UBAC2: variants seen among roughly 807,000 people sequenced by gnomAD.
UBAC2 encodes ubiquitin-associated domain-containing protein 2.
In UBAC2, 26 loss-of-function variants were observed where a neutral mutation model predicts 44.0. That is an observed-to-expected ratio of 0.59 (90% confidence interval 0.43 to 0.82). UBAC2 has a LOEUF of 0.82. Ranked by LOEUF, UBAC2 falls within the 40% of genes least tolerant of loss-of-function variation. The pLI is 0.00. For synonymous variants in UBAC2, 155 were observed against 154.3 expected (o/e 1.00, Z -0.04); for missense variants, 329 against 419.4 (o/e 0.78, Z 1.88).
intron 6 of UBAC2, among the ~76,000 whole-genome samples, chr13:99,319,001 T>C (rs573113368): frequency 2.0e-5 from 3 of 150,506 alleles, no homozygotes; most frequent in African/African-American, 7.3e-5. Flanking sequence ...TAAGGAGAGA[T>C]AGTCTGCTCA....
At chr13:99,227,949 A>G (rs761227740) in intron 1 of UBAC2, among the ~76,000 whole-genome samples, 6 of 152,230 alleles carry the variant, frequency 3.9e-5, no homozygotes, top group Non-Finnish European at 8.8e-5. Context: ...CAGATATACT[A>G]GAGAAAATCA....
chr13:99,258,327 G>T (rs1459552662), intron 4 of UBAC2: 1 of 152,236 alleles, frequency 6.6e-6, no homozygotes, highest in Non-Finnish European at 1.5e-5. Flanking sequence ...GTAGTTTCCA[G>T]TGTAACGCTT....
At chr13:99,285,504 T>C (rs2044007625) in intron 4 of UBAC2, among the ~76,000 whole-genome samples, 1 of 152,110 alleles carries the variant, frequency 6.6e-6, no homozygotes, top group Non-Finnish European at 1.5e-5. Context: ...GGGATCCTCC[T>C]GCCTTAGCCT....
chr13:99,291,146 A>G (rs1331940643), intron 4 of UBAC2, among the ~76,000 whole-genome samples: 3 of 152,202 alleles, frequency 2.0e-5, no homozygotes, highest in African/African-American at 7.2e-5. Context: ...CATCAGCAAG[A>G]TGGGGATGAT....
intron 4 of UBAC2, among the ~76,000 whole-genome samples, chr13:99,249,924 G>C (rs2043437647): frequency 6.6e-6 from 1 of 152,020 alleles, no homozygotes; most frequent in African/African-American, 2.4e-5. Flanking sequence ...GTTGTTTTGT[G>C]CTTGTTGAAT....
At chr13:99,272,212 T>A (rs1241420429) in intron 4 of UBAC2, among the ~76,000 whole-genome samples, 3 of 152,214 alleles carry the variant, frequency 2.0e-5, no homozygotes, top group Non-Finnish European at 2.9e-5. Flanking sequence ...TCAAGTGCCT[T>A]GTGGGCCACT....
chr13:99,309,798 G>T (rs575841375), intron 4 of UBAC2, among the ~76,000 whole-genome samples: 1 of 152,136 alleles, frequency 6.6e-6, no homozygotes, highest in African/African-American at 2.4e-5. Context: ...TGTGTGTGGA[G>T]ACAAGGTCTC....
intron 8 of UBAC2, among the ~76,000 whole-genome samples, chr13:99,375,489 A>C (rs548239056): frequency 2.4e-4 from 37 of 152,142 alleles, no homozygotes; most frequent in African/African-American, 8.4e-4. Context: ...TGTGCATGCT[A>C]CCCTGCACCC....
chr13:99,208,212 G>T (rs944353660), intron 1 of UBAC2, among the ~76,000 whole-genome samples: 1 of 152,020 alleles, frequency 6.6e-6, no homozygotes, highest in Non-Finnish European at 1.5e-5. Context: ...GGTCAGGCTG[G>T]TCTTGAACTC....
intron 6 of UBAC2, among the ~76,000 whole-genome samples, chr13:99,327,047 G>A (rs1484654164): frequency 6.6e-6 from 1 of 152,148 alleles, no homozygotes; most frequent in Non-Finnish European, 1.5e-5. Flanking sequence ...TATGAAGAAT[G>A]TGGCCTATAG....
intron 1 of UBAC2, among the ~76,000 whole-genome samples, chr13:99,225,212 AAG>A (rs1400692775): frequency 5.9e-5 from 9 of 152,206 alleles, no homozygotes; most frequent in Non-Finnish European, 1.0e-4. Context: ...CAGTAGTATT[AAG>A]TACGTTCATA....
chr13:99,242,609 C>A (rs1475323967), intron 2 of UBAC2, among the ~76,000 whole-genome samples: 1 of 132,664 alleles, frequency 7.5e-6, no homozygotes, highest in Non-Finnish European at 1.6e-5. Context: ...ACCTCCCAGA[C>A]GGGGTGGCTG....
In UBAC2 at chr13:99,304,506, T is replaced by G. The variant is rs377175213; in HGVS notation, c.390-9591T>G. Among the ~76,000 whole-genome samples the G allele has an allele frequency of 1.4e-3, 211 of 152,356 alleles. 2 individuals carry two copies. Among genetic ancestry groups the G allele is most frequent in the African/African-American group, 5.0e-3 (206 of 41,592 alleles). ...ATTTCTTGTATCTCTAGGTGATGTA[T>G]GATCGATATTCAATAAATACCCATT... On this transcript the variant is annotated intron_variant, in intron 4 of 8. Coordinates refer to ENST00000403766, the MANE Select transcript of UBAC2 (RefSeq NM_001144072.2).
At chr13:99,308,413 C>T (rs1274154856) in intron 4 of UBAC2, among the ~76,000 whole-genome samples, 1 of 152,162 alleles carries the variant, frequency 6.6e-6, no homozygotes, top group Non-Finnish European at 1.5e-5. Flanking sequence ...TGTCAGTCTT[C>T]CTAACTCCAG....
intron 7 of UBAC2, among the ~76,000 whole-genome samples, chr13:99,350,980 G>A (rs944357655): frequency 1.4e-4 from 22 of 152,218 alleles, no homozygotes. Flanking sequence ...TGAGTCGTGT[G>A]TGAGTGTAGA....
chr13:99,238,404 A>G, intron 1 of UBAC2, 23 bp from the exon 2 acceptor site: 5 of 1,609,132 alleles, frequency 3.1e-6, no homozygotes, highest in Non-Finnish European at 4.2e-6. Context: ...TCATTCTGAA[A>G]GTGCTTTCCT....
intron 3 of UBAC2, 62 bp from the exon 4 acceptor site, chr13:99,244,453 T>C: frequency 1.7e-6 from 2 of 1,183,218 alleles, no homozygotes; most frequent in Non-Finnish European, 2.5e-6. Context: ...TCTAGCTGAA[T>C]AAATGTTAGT....
intron 1 of UBAC2, among the ~76,000 whole-genome samples, chr13:99,228,771 C>T (rs541205835): frequency 3.3e-5 from 5 of 152,198 alleles, no homozygotes; most frequent in South Asian, 2.1e-4. Flanking sequence ...ATGAGGAACT[C>T]GGTTAGATTT....
At chr13:99,311,302 G>A (rs1310070432) in intron 4 of UBAC2, among the ~76,000 whole-genome samples, 3 of 152,166 alleles carry the variant, frequency 2.0e-5, no homozygotes, top group Non-Finnish European at 4.4e-5. Context: ...GGCGGGAGGT[G>A]CGGTTTGAAA....
Sources: gnomAD v4.1 joint callset for allele counts (sites outside exome capture counted in the v4.1 genomes callset) on GRCh38, gnomAD v4.1.1 for gene constraint, MANE v1.5 for transcripts, NCBI Gene and HGNC (gene_info 2026-07-23, HGNC 2026-07-21) for gene names.